The following AGBL1 variants were observed in gnomAD, a reference collection of about 807,000 sequenced individuals.
The protein encoded by AGBL1 is cytosolic carboxypeptidase 4.
Under a neutral mutation model 118.9 loss-of-function variants are expected in AGBL1, and 130 were observed. That is an observed-to-expected ratio of 1.09 (90% CI 0.95 to 1.26). The LOEUF (loss-of-function observed/expected upper bound fraction) is 1.26. AGBL1 is among the 50% of genes most tolerant of loss of function. The pLI is 0.00. For missense variants in AGBL1, 1,584 were observed against 1,298.1 expected (o/e 1.22, Z -3.38); for synonymous variants, 555 against 478.9 (o/e 1.16, Z -2.08).
intron 21 of AGBL1, among the ~76,000 whole-genome samples, chr15:86,649,298 G>A (rs1272482878): frequency 1.3e-5 from 2 of 152,168 alleles, no homozygotes; most frequent in Non-Finnish European, 2.9e-5. Flanking sequence ...CTTCAATTTT[G>A]CCAGTGAAAT....
At chr15:86,953,814 C>G (rs1334666932) in intron 23 of AGBL1, among the ~76,000 whole-genome samples, 1 of 152,034 alleles carries the variant, frequency 6.6e-6, no homozygotes, top group South Asian at 2.1e-4. Context: ...GTTCTAGGAG[C>G]CTTTTGGAAG....
chr15:86,296,092 A>G (rs767192976), intron 17 of AGBL1: 3 of 152,218 alleles, frequency 2.0e-5, no homozygotes, highest in Non-Finnish European at 4.4e-5. Flanking sequence ...ACAGACACGT[A>G]CACACAAACA....
At chr15:86,750,639 T>A (rs2077835589) in intron 22 of AGBL1, among the ~76,000 whole-genome samples, 1 of 152,118 alleles carries the variant, frequency 6.6e-6, no homozygotes. Context: ...TTTTATTTTT[T>A]ATTTTTTAAT....
chr15:86,529,520 T>C (rs1206604757), intron 19 of AGBL1, among the ~76,000 whole-genome samples: 2 of 133,108 alleles, frequency 1.5e-5, no homozygotes, highest in Admixed American at 1.4e-4. Flanking sequence ...TGGAACCAAA[T>C]TGGAAAACAC....
chr15:86,342,559 A>G (rs1371054017), intron 17 of AGBL1, among the ~76,000 whole-genome samples: 2 of 152,314 alleles, frequency 1.3e-5, no homozygotes, highest in South Asian at 4.1e-4. Flanking sequence ...TTTATTAGGT[A>G]CCTTACTAAG....
At position 86,292,902 on chromosome 15, in the gene AGBL1, T is replaced by C. The variant is rs187680780; in HGVS notation, c.2221-2353T>C. Among the ~76,000 whole-genome samples, 12 of 152,298 alleles carry C rather than the reference T, an allele frequency of 7.9e-5. No homozygotes were observed. The East Asian group carries it at 1.9e-3, about 25-fold the overall frequency. On this transcript the variant is annotated intron_variant, in intron 16 of 22. Coordinates refer to ENST00000614907, the MANE Select transcript of AGBL1 (RefSeq NM_001386094.1). Reference sequence around the variant, plus strand: ...AGCAGTAAGGTTATGCTGATGAAGGTTGGGGAATAATAGTCATGTTAATGT... The same window carrying C: ...AGCAGTAAGGTTATGCTGATGAAGGCTGGGGAATAATAGTCATGTTAATGT...
intron 17 of AGBL1, among the ~76,000 whole-genome samples, chr15:86,370,198 G>A (rs948855576): frequency 2.0e-5 from 3 of 151,930 alleles, no homozygotes; most frequent in Admixed American, 2.0e-4. Context: ...AAAATTTTCT[G>A]CCCATTAAAC....
chr15:87,023,336 A>C (rs546517260), intron 24 of AGBL1, among the ~76,000 whole-genome samples: 1 of 152,210 alleles, frequency 6.6e-6, no homozygotes, highest in African/African-American at 2.4e-5. Flanking sequence ...AGCTATAGTT[A>C]TGTAAGAAAA....
At chr15:86,148,434 G>A (rs1257103145) in intron 3 of AGBL1, among the ~76,000 whole-genome samples, 1 of 152,168 alleles carries the variant, frequency 6.6e-6, no homozygotes, top group Non-Finnish European at 1.5e-5. Context: ...GACCTTAAAT[G>A]ACCTGATGGA....
At chr15:86,504,756 A>C (rs1469313154) in intron 18 of AGBL1, among the ~76,000 whole-genome samples, 2 of 151,720 alleles carry the variant, frequency 1.3e-5, no homozygotes, top group African/African-American at 4.8e-5. Flanking sequence ...ACATCAACAC[A>C]GTTTATAATT....
In AGBL1 at chr15:86,160,489, T is replaced by C. The variant is rs116788333; in HGVS notation, c.488+1463T>C. ...AGCCATGGTAGTGCTGGGGTGTTGATGGAAAAACACAGACTGTCCTCAATC... is the reference window on the plus strand; with the variant it reads ...AGCCATGGTAGTGCTGGGGTGTTGACGGAAAAACACAGACTGTCCTCAATC... On this transcript the variant is annotated intron_variant, in intron 5 of 22. Coordinates refer to ENST00000614907, the MANE Select transcript of AGBL1 (RefSeq NM_001386094.1). Among the ~76,000 whole-genome samples, 668 of 152,316 alleles carry C rather than the reference T, an allele frequency of 4.4e-3. 4 individuals carry two copies. The highest frequency in any genetic ancestry group is 0.015 in the African/African-American group (639 of 41,576).
chr15:86,628,845 C>G (rs190212934), intron 21 of AGBL1, among the ~76,000 whole-genome samples: 61 of 152,196 alleles, frequency 4.0e-4, no homozygotes, highest in African/African-American at 1.5e-3. Context: ...ATGTCTTCAG[C>G]TTTACCGAGG....
intron 22 of AGBL1, among the ~76,000 whole-genome samples, chr15:86,891,409 C>A (rs190381104): frequency 2.6e-5 from 4 of 152,030 alleles, no homozygotes; most frequent in Admixed American, 2.0e-4. Context: ...AAAGTGTTTT[C>A]CTTGATTCAT....
chr15:86,712,571 G>T (rs1370307578), intron 22 of AGBL1, among the ~76,000 whole-genome samples: 3 of 151,946 alleles, frequency 2.0e-5, no homozygotes, highest in Admixed American at 2.0e-4. Context: ...TAATACAGCA[G>T]AGAAAAAAAA....
At chr15:86,164,030 A>G (rs781743818) in intron 5 of AGBL1, among the ~76,000 whole-genome samples, 1 of 152,252 alleles carries the variant, frequency 6.6e-6, no homozygotes, top group Non-Finnish European at 1.5e-5. Context: ...GCGAAGCAGC[A>G]GCCACCAGCT....
chr15:86,266,301 C>T, intron 11 of AGBL1, 73 bp from the exon 12 acceptor site: 1 of 1,146,280 alleles, frequency 8.7e-7, no homozygotes, highest in East Asian at 2.7e-5. Context: ...AAAGTTCTTC[C>T]CAGGTGATCA....
intron 21 of AGBL1, among the ~76,000 whole-genome samples, chr15:86,619,514 G>T (rs559123183): frequency 8.5e-4 from 130 of 152,200 alleles, no homozygotes; most frequent in Non-Finnish European, 1.7e-3. Context: ...GACCTTTTTA[G>T]TTAATTCACA....
intron 22 of AGBL1, among the ~76,000 whole-genome samples, chr15:86,905,822 G>T (rs1322891620): frequency 1.3e-5 from 2 of 152,160 alleles, no homozygotes; most frequent in Non-Finnish European, 2.9e-5. Flanking sequence ...AGCTGGGGCA[G>T]CTCTTGCCTT....
At chr15:86,308,486 C>G (rs574998921) in intron 17 of AGBL1, among the ~76,000 whole-genome samples, 2 of 152,126 alleles carry the variant, frequency 1.3e-5, no homozygotes, top group Non-Finnish European at 1.5e-5. Flanking sequence ...CCTCCAAAAC[C>G]GTTAAAATAA....
Sources: allele counts gnomAD v4.1 joint callset (sites outside exome capture counted in the v4.1 genomes callset), GRCh38; gene constraint gnomAD v4.1.1; transcripts MANE v1.5; gene names NCBI Gene and HGNC (gene_info 2026-07-23, HGNC 2026-07-21).